Variants in PUM2 observed in about 807,000 individuals in gnomAD.
PUM2 encodes the protein pumilio RNA binding family member 2.
Under a neutral mutation model 124.5 loss-of-function variants are expected in PUM2, and 57 were observed. The ratio of observed to expected loss-of-function variants is 0.46; its 90% CI spans 0.37 to 0.57. The LOEUF is 0.57. Among genes scored for constraint, PUM2 ranks in the 20% least tolerant of loss-of-function variants. The pLI is 0.00. For synonymous variants in PUM2, 460 were observed against 446.1 expected, an observed-to-expected ratio of 1.03 and a Z score of -0.39; for missense variants, 1,065 against 1,290.6, an observed-to-expected ratio of 0.83 and a Z score of 2.68.
chr2:20,258,129 A>G, intron 16 of PUM2, 114 bp downstream of exon 16: 1 of 938,874 alleles, frequency 1.1e-6, no homozygotes. Context: ...ATTTTAGTCT[A>G]GTTGTGGAAA....
At chr2:20,311,903 A>G (rs1679693694) in intron 4 of PUM2, among the ~76,000 whole-genome samples, 1 of 152,164 alleles carries the variant, frequency 6.6e-6, no homozygotes, top group South Asian at 2.1e-4. Context: ...TAACACCACA[A>G]ACTAGATTAA....
At chr2:20,297,310 AAACTATAAAGCT>A (rs1675855555) in intron 8 of PUM2, among the ~76,000 whole-genome samples, 2 of 152,168 alleles carry the variant, frequency 1.3e-5, no homozygotes, top group Admixed American at 1.3e-4. Flanking sequence ...TAGATTTCTA[AAACTATAAAGCT>A]GAAATGTAAG....
At chr2:20,272,614 C>T (rs1407583415) in intron 13 of PUM2, among the ~76,000 whole-genome samples, 1 of 152,190 alleles carries the variant, frequency 6.6e-6, no homozygotes, top group Non-Finnish European at 1.5e-5. Context: ...AGTTTTCTAA[C>T]TTTGCTTTTC....
At chr2:20,288,080 C>G (rs956908888) in intron 10 of PUM2, among the ~76,000 whole-genome samples, 1 of 152,158 alleles carries the variant, frequency 6.6e-6, no homozygotes, top group Non-Finnish European at 1.5e-5. Flanking sequence ...TCTAAAGTAT[C>G]TCCACTTTTC....
At chr2:20,317,762 T>A (rs1012434109) in intron 3 of PUM2, among the ~76,000 whole-genome samples, 2 of 152,132 alleles carry the variant, frequency 1.3e-5, no homozygotes, top group Non-Finnish European at 1.5e-5. Flanking sequence ...TGTGTCCCTG[T>A]GTTCTCGTCA....
intron 7 of PUM2, 119 bp downstream of exon 7, chr2:20,307,859 C>A: frequency 7.5e-7 from 1 of 1,325,222 alleles, no homozygotes; most frequent in Non-Finnish European, 1.0e-6. Flanking sequence ...CAACCTATTA[C>A]TTGTTGATCT....
intron 1 of PUM2, among the ~76,000 whole-genome samples, chr2:20,329,787 T>G (rs757225430): frequency 2.0e-5 from 3 of 152,144 alleles, no homozygotes; most frequent in African/African-American, 7.2e-5. Context: ...CCCTGGACCC[T>G]AGATTCTGAT....
At chr2:20,315,399 C>T (rs1451654111) in intron 3 of PUM2, among the ~76,000 whole-genome samples, 1 of 152,062 alleles carries the variant, frequency 6.6e-6, no homozygotes, top group East Asian at 1.9e-4. Context: ...ATGACAATTC[C>T]TTTAGAACAA....
chr2:20,294,767 A>G (rs1290464088), intron 8 of PUM2, among the ~76,000 whole-genome samples: 1 of 152,236 alleles, frequency 6.6e-6, no homozygotes, highest in African/African-American at 2.4e-5. Flanking sequence ...CATCTATTCA[A>G]CATTTAATGA....
intron 13 of PUM2, 73 bp from the exon 14 acceptor site, chr2:20,263,533 C>A: frequency 6.9e-7 from 1 of 1,450,098 alleles, no homozygotes. Flanking sequence ...ACTTTAGCTA[C>A]AAATTCAGTC....
In PUM2 at chr2:20,254,900, C is replaced by T; in HGVS notation, c.2833G>A (p.Gly945Arg). ...DKSKIVSEIRGKVLALSQHKF... is the reference protein window; with the variant it reads ...DKSKIVSEIRRKVLALSQHKF... ...TGTTGACTCAGGGCTAAAACCTTTC[C>T]CCTGATTTCGGAAACAATTTTGCTC... The change falls in exon 19 of 21, where the codon GGA (glycine) becomes AGA (arginine). Residue 945 changes from glycine to arginine, a missense_variant. By Grantham distance (125) the Gly-to-Arg change is moderately radical. Around this residue, in one of 3 missense-constraint regions of PUM2, gnomAD observed 968 missense variants for 1,159.8 expected, o/e 0.83. Coordinates refer to ENST00000361078, the MANE Select transcript of PUM2 (RefSeq NM_015317.5). 1 of 1,613,968 alleles carries T rather than the reference C, an allele frequency of 6.2e-7. No homozygotes were observed. The highest frequency in any genetic ancestry group is 8.5e-7 in the Non-Finnish European group (1 of 1,179,946).
chr2:20,253,512 C>CTT (rs1000241569), intron 20 of PUM2, among the ~76,000 whole-genome samples: 5 of 142,618 alleles, frequency 3.5e-5, no homozygotes, highest in East Asian at 4.1e-4. Context: ...AATTGTTTTT[C>CTT]TTTTTTTTTT....
intron 13 of PUM2, among the ~76,000 whole-genome samples, chr2:20,263,822 C>T (rs1457006797): frequency 1.3e-5 from 2 of 152,088 alleles, no homozygotes; most frequent in African/African-American, 4.8e-5. Context: ...AGCAAACTTA[C>T]ATTTTAAGCC....
In PUM2 at chr2:20,250,177, G is replaced by A. The variant is rs1266304129; in HGVS notation, c.*1408C>T. ...CACAATACCCTGACTTCAATTGAAA[G>A]TGATCCAAATTCTAGCAGGTCCATA... On this transcript the variant is annotated 3_prime_UTR_variant, in exon 21 of 21. Transcript: ENST00000361078. 1 of 152,590 alleles carries A rather than the reference G, an allele frequency of 6.6e-6. No individual in the cohort carries two copies. The highest frequency in any genetic ancestry group is 1.5e-5 in the Non-Finnish European group (1 of 68,020). 9.5% of individuals were successfully genotyped at this position (152,590 alleles called of 1,614,324 possible). A position where few individuals can be genotyped will look rare whatever the true frequency, so the allele number is the denominator to read the frequency against.
intron 3 of PUM2, among the ~76,000 whole-genome samples, chr2:20,313,169 C>G (rs528847639): frequency 2.0e-5 from 3 of 152,320 alleles, no homozygotes; most frequent in African/African-American, 7.2e-5. Flanking sequence ...GACTTCATGA[C>G]TAAAACACCA....
intron 2 of PUM2, among the ~76,000 whole-genome samples, chr2:20,323,315 G>A (rs904977129): frequency 2.0e-5 from 3 of 151,938 alleles, no homozygotes; most frequent in Non-Finnish European, 4.4e-5. Flanking sequence ...AGGCGTAGTG[G>A]CACACGCCTG....
At chr2:20,346,730 C>A (rs955856920) in intron 1 of PUM2, among the ~76,000 whole-genome samples, 1 of 152,192 alleles carries the variant, frequency 6.6e-6, no homozygotes, top group Non-Finnish European at 1.5e-5. Context: ...TTCCCTACCG[C>A]CCCGCCATGA....
chr2:20,321,632 A>G (rs943807082), intron 2 of PUM2, among the ~76,000 whole-genome samples: 1 of 152,180 alleles, frequency 6.6e-6, no homozygotes, highest in Non-Finnish European at 1.5e-5. Context: ...ACACAGTTAA[A>G]GAGGAAAAAA....
chr2:20,260,498 TG>T (rs772581984), intron 14 of PUM2, 32 bp from the exon 15 acceptor site: 11 of 1,562,580 alleles, frequency 7.0e-6, no homozygotes, highest in Non-Finnish European at 4.4e-6. Flanking sequence ...TATGACAATA[TG>T]TTTTTTAATA....
Sources: allele counts gnomAD v4.1 joint callset (sites outside exome capture counted in the v4.1 genomes callset), GRCh38; gene constraint gnomAD v4.1.1; regional missense constraint gnomAD v4.1.1; transcripts MANE v1.5; gene names NCBI Gene and HGNC (gene_info 2026-07-23, HGNC 2026-07-21).